VSIG1: variants seen among roughly 807,000 people sequenced by gnomAD.
VSIG1 encodes V-set and immunoglobulin domain containing 1.
Under a neutral mutation model 20.1 loss-of-function variants are expected in VSIG1, and 11 were observed. The observed-to-expected ratio is 0.55, with a 90% CI of 0.34 to 0.91. The LOEUF (loss-of-function observed/expected upper bound fraction) is 0.91. Among genes scored for constraint, VSIG1 ranks in the 40% least tolerant of loss-of-function variants. The pLI is 0.02. For synonymous variants in VSIG1, 126 were observed against 116.7 expected (o/e 1.08, Z -0.52); for missense variants, 283 against 298.8 (o/e 0.95, Z 0.39).
At chrX:108,033,514 T>C in the VSIG1 span, among the ~76,000 whole-genome samples, 1 of 111,633 alleles carries the variant, frequency 9.0e-6, no homozygotes, top group East Asian at 2.8e-4. Context: ...GAAGCCCCAA[T>C]GTCTCTTCTC....
chrX:108,026,327 G>A, the VSIG1 span, among the ~76,000 whole-genome samples: 1 of 111,558 alleles, frequency 9.0e-6, no homozygotes, highest in Non-Finnish European at 1.9e-5. Context: ...ATTGAATGTG[G>A]CGAGAGCAGC....
the VSIG1 span, among the ~76,000 whole-genome samples, chrX:108,031,138 C>G: frequency 9.0e-5 from 10 of 111,695 alleles, no homozygotes; most frequent in South Asian, 3.0e-3. Context: ...TTGTTGCCTT[C>G]AGGTCCTCCA....
At chrX:108,019,592 G>A in the VSIG1 span, among the ~76,000 whole-genome samples, 1 of 112,099 alleles carries the variant, frequency 8.9e-6, no homozygotes, top group African/African-American at 3.2e-5. Context: ...TGCAGCAGTT[G>A]CAGGCAGTGG....
chrX:108,047,965 T>TATATATATATATAC (rs1569287456), intron 1 of VSIG1, among the ~76,000 whole-genome samples: 1 of 18,702 alleles, frequency 5.3e-5, no homozygotes, highest in African/African-American at 2.6e-4. Context: ...CACACACATA[T>TATATATATATATAC]ATATATATAT....
Position 108,065,067 on chromosome X carries a change from T to C in VSIG1, c.214-1869T>C, listed in dbSNP as rs143925026. ...TTTATAATGCAAGCAAGAAAACACG[T>C]TGATGTTAGAAAAAACGGGAGAGAA... On this transcript the variant is annotated intron_variant, in intron 2 of 6. Transcript: ENST00000217957. 2.5e-3 allele frequency among the ~76,000 whole-genome samples: 279 copies of C among 111,936 alleles called. 1 individual carries two copies. Among genetic ancestry groups the C allele is most frequent in the Non-Finnish European group, 4.5e-3 (241 of 53,153 alleles).
At chrX:108,030,376 G>T in the VSIG1 span, among the ~76,000 whole-genome samples, 1 of 111,517 alleles carries the variant, frequency 9.0e-6, no homozygotes, top group Admixed American at 9.5e-5. Flanking sequence ...CAAAAAATTG[G>T]AGCACGTGAG....
upstream of VSIG1, among the ~76,000 whole-genome samples, chrX:108,043,067 G>A (rs930426660): frequency 1.8e-5 from 2 of 111,487 alleles, no homozygotes; most frequent in African/African-American, 6.5e-5. Context: ...GGACCCAGGA[G>A]CCAGGGGGCC....
intron 3 of VSIG1, among the ~76,000 whole-genome samples, chrX:108,068,271 C>T (rs760985958): frequency 9.0e-6 from 1 of 111,675 alleles, no homozygotes; most frequent in Non-Finnish European, 1.9e-5. Context: ...ATATTTTTAT[C>T]TTACTGAGTT....
intron 5 of VSIG1, among the ~76,000 whole-genome samples, chrX:108,075,462 G>C (rs2031331282): frequency 9.0e-6 from 1 of 111,248 alleles, no homozygotes; most frequent in South Asian, 3.9e-4. Context: ...CAAAATATAA[G>C]GTGTCCATCC....
At chrX:108,028,692 C>T in the VSIG1 span, among the ~76,000 whole-genome samples, 1 of 111,147 alleles carries the variant, frequency 9.0e-6, no homozygotes, top group Non-Finnish European at 1.9e-5. Flanking sequence ...AATAGTAGTT[C>T]CCCATTGAGC....
At chrX:108,050,102 A>G (rs767980991) in intron 1 of VSIG1, among the ~76,000 whole-genome samples, 46 of 112,647 alleles carry the variant, frequency 4.1e-4, no homozygotes, top group Non-Finnish European at 5.2e-4. Context: ...GGACCAGGTG[A>G]CCTGGCTGTG....
Position 108,052,439 on chromosome X carries a change from A to G in VSIG1, c.50-5599A>G, listed in dbSNP as rs141257338. On this transcript the variant is annotated intron_variant, in intron 1 of 6. Coordinates refer to ENST00000217957, the MANE Select transcript of VSIG1 (RefSeq NM_182607.5). ...CGTGGTGAAACCCTATTTCTACCAA[A>G]AATACACACACACACACACACACAA... Among the ~76,000 whole-genome samples, 682 of 110,402 alleles carry G rather than the reference A, an allele frequency of 6.2e-3. 6 individuals are homozygous for G. The highest frequency in any genetic ancestry group is 0.021 in the African/African-American group (640 of 30,276).
Position 108,067,033 on chromosome X carries a change from C to A in VSIG1, c.311C>A (p.Ser104Ter). Residue 104 changes from serine (S) to a stop codon, truncating the protein, a stop_gained, in exon 3 of 7, where the codon TCG (serine) becomes TAG (stop). Transcript: ENST00000217957. LOFTEE classifies it high-confidence loss of function. ...NDPGNASITI[S>*]HMQPADSGIY... The stretch of plus-strand genomic sequence containing the variant: ...CCAGGTAATGCATCTATCACTATCT[C>A]GCATATGCAGCCAGCAGACAGTGGA... 8.3e-7 allele frequency: 1 copy of A among 1,211,044 alleles called. No homozygotes were observed.
chrX:108,075,981 TA>T (rs772125873), intron 5 of VSIG1, 95 bp from the exon 6 acceptor site: 21 of 1,072,097 alleles, frequency 2.0e-5, no homozygotes, highest in Non-Finnish European at 2.7e-5. Flanking sequence ...ATTTTCCCAC[TA>T]TGTGAATGGC....
At chrX:108,020,050 C>T in the VSIG1 span, among the ~76,000 whole-genome samples, 1 of 111,946 alleles carries the variant, frequency 8.9e-6, no homozygotes, top group Non-Finnish European at 1.9e-5. Flanking sequence ...TTTCAGTATT[C>T]TCTCTGATGA....
At chrX:108,074,065 C>T (rs981451228) in intron 5 of VSIG1, among the ~76,000 whole-genome samples, 1 of 111,852 alleles carries the variant, frequency 8.9e-6, no homozygotes, top group Admixed American at 9.5e-5. Context: ...ATTGAGCTGA[C>T]CCAGGGGCAA....
At chrX:108,074,000 C>G (rs1036112691) in intron 5 of VSIG1, 12 of 111,620 alleles carry the variant, frequency 1.1e-4, no homozygotes, top group African/African-American at 3.9e-4. Flanking sequence ...TTTTCCTATT[C>G]GAAGGTGCTT....
Position 108,077,089 on chromosome X carries a change from T to C in VSIG1, c.872T>C (p.Met291Thr). The change falls in exon 7 of 7, where the codon ATG becomes ACG. Residue 291 changes from methionine (M) to threonine (T), a missense_variant. Transcript: ENST00000217957. The stretch of plus-strand genomic sequence containing the variant: ...AACCCAAGGGGAGAAAGCGAAGCAA[T>C]GCCAAGAGAAGACGCTACCCAACTA... Reference protein sequence around the residue: ...KINPRGESEAMPREDATQLEV... With the variant: ...KINPRGESEATPREDATQLEV... The C allele has an allele frequency of 4.1e-6, 5 of 1,210,718 alleles. No individual in the cohort carries two copies. Among genetic ancestry groups the C allele is most frequent in the Non-Finnish European group, 5.6e-6 (5 of 895,180 alleles).
At chrX:108,031,372 G>T in the VSIG1 span, among the ~76,000 whole-genome samples, 3 of 112,034 alleles carry the variant, frequency 2.7e-5, no homozygotes, top group Non-Finnish European at 5.6e-5. Context: ...TCATGTACTG[G>T]GTAAGAGTAT....
Sources: allele counts gnomAD v4.1 joint callset (sites outside exome capture counted in the v4.1 genomes callset), GRCh38; gene constraint gnomAD v4.1.1; transcripts MANE v1.5; gene names NCBI Gene and HGNC (gene_info 2026-07-23, HGNC 2026-07-21).